The following KLHL18 variants were observed in gnomAD, a reference collection of about 807,000 sequenced individuals.
KLHL18 encodes the protein kelch like family member 18.
KLHL18 carries 38 observed loss-of-function variants against 58.5 expected under a neutral mutation model. The ratio of observed to expected loss-of-function variants is 0.65; its 90% CI spans 0.50 to 0.85. The LOEUF (loss-of-function observed/expected upper bound fraction) is 0.85, where lower values mean the gene tolerates loss of function less well. Among genes scored for constraint, KLHL18 ranks in the 40% least tolerant of loss-of-function variants. The probability of loss-of-function intolerance (pLI) is 0.00; values close to 1 mark genes in which losing one functional copy is unlikely to be tolerated. For synonymous variants in KLHL18, 303 were observed against 301.9 expected (o/e 1.00, Z -0.04); for missense variants, 624 against 778.4 (o/e 0.80, Z 2.36).
intron 1 of KLHL18, among the ~76,000 whole-genome samples, chr3:47,286,402 C>T (rs2107570350): frequency 6.6e-6 from 1 of 152,310 alleles, no homozygotes; most frequent in Admixed American, 6.5e-5. Flanking sequence ...AGTCTTCCTT[C>T]AGTTTTCTGG....
intron 7 of KLHL18, chr3:47,337,330 ACTCAG>A: frequency 1.9e-5 from 3 of 160,120 alleles, no homozygotes; most frequent in Admixed American, 5.7e-5. Flanking sequence ...TTGATATGTC[ACTCAG>A]TACATTCTAG....
At position 47,292,813 on chromosome 3, in the gene KLHL18, C is replaced by T. The variant is rs192405021; in HGVS notation, c.129+9719C>T. On this transcript the variant is annotated intron_variant, in intron 1 of 9. Coordinates refer to ENST00000232766, the MANE Select transcript of KLHL18 (RefSeq NM_025010.5). ...TCCAGCTACTTGGGAGGCTGAGGTG[C>T]GAGAATCACCTGAGCCCCGGGAGGT... Among the ~76,000 whole-genome samples, 1,107 of 150,154 alleles carry T rather than the reference C, an allele frequency of 7.4e-3. 15 individuals are homozygous for T. The highest frequency in any genetic ancestry group is 0.026 in the African/African-American group (1,075 of 40,924).
At position 47,341,015 on chromosome 3, in the gene KLHL18, G is replaced by GA. The variant is rs1005626809; in HGVS notation, c.1226+350dup. 7.5e-3 allele frequency among the ~76,000 whole-genome samples: 1,109 copies of GA among 147,174 alleles called. 10 individuals are homozygous for GA. The highest frequency in any genetic ancestry group is 0.011 in the African/African-American group (436 of 40,344). On this transcript the variant is annotated intron_variant, in intron 8 of 9. Coordinates refer to ENST00000232766, the MANE Select transcript of KLHL18 (RefSeq NM_025010.5). The stretch of plus-strand genomic sequence containing the variant: ...TCCAAAGTGGGTAGGATATGATTTG[G>GA]AAAAAAAAAAATGTTTTTAAGTTCT...
At chr3:47,298,411 G>A (rs1163692590) in intron 1 of KLHL18, among the ~76,000 whole-genome samples, 1 of 151,072 alleles carries the variant, frequency 6.6e-6, no homozygotes, top group African/African-American at 2.4e-5. Flanking sequence ...CTGACTTGTA[G>A]GCAGTAGGGA....
chr3:47,290,869 C>T (rs766557280), intron 1 of KLHL18, among the ~76,000 whole-genome samples: 1 of 152,238 alleles, frequency 6.6e-6, no homozygotes. Context: ...CAGTTTTAAT[C>T]TCCTTGTTCA....
intron 8 of KLHL18, among the ~76,000 whole-genome samples, chr3:47,342,469 G>C (rs987269917): frequency 6.6e-6 from 1 of 152,254 alleles, no homozygotes; most frequent in African/African-American, 2.4e-5. Flanking sequence ...GAGCAGAACT[G>C]TAGGAGAAAG....
intron 1 of KLHL18, among the ~76,000 whole-genome samples, chr3:47,311,393 T>C (rs1703295881): frequency 6.6e-6 from 1 of 152,032 alleles, no homozygotes; most frequent in African/African-American, 2.4e-5. Flanking sequence ...ATGTTCATGA[T>C]TTTAAAAACC....
intron 3 of KLHL18, among the ~76,000 whole-genome samples, chr3:47,322,917 C>T (rs903301523): frequency 6.6e-6 from 1 of 152,138 alleles, no homozygotes; most frequent in East Asian, 1.9e-4. Flanking sequence ...TTTACATAGT[C>T]CAGCCTGCCC....
At chr3:47,301,300 C>G (rs1703020161) in intron 1 of KLHL18, among the ~76,000 whole-genome samples, 1 of 151,800 alleles carries the variant, frequency 6.6e-6, no homozygotes, top group Admixed American at 6.6e-5. Flanking sequence ...TCACCAAACC[C>G]CAAGTCCTGA....
chr3:47,324,111 G>A (rs1206070542), intron 3 of KLHL18, among the ~76,000 whole-genome samples: 1 of 151,920 alleles, frequency 6.6e-6, no homozygotes, highest in Admixed American at 6.6e-5. Flanking sequence ...GTAAAGCTGC[G>A]GAACCAACCT....
intron 1 of KLHL18, among the ~76,000 whole-genome samples, chr3:47,313,734 A>G (rs1703359573): frequency 1.3e-5 from 2 of 152,098 alleles, no homozygotes; most frequent in Non-Finnish European, 2.9e-5. Context: ...TTTTTTCTCA[A>G]TTGACTGAGA....
chr3:47,300,281 G>A (rs1417127855), intron 1 of KLHL18, among the ~76,000 whole-genome samples: 2 of 60,844 alleles, frequency 3.3e-5, no homozygotes, highest in Middle Eastern at 0.013. Flanking sequence ...CATCCTCACC[G>A]GCATTTTATA....
intron 1 of KLHL18, among the ~76,000 whole-genome samples, chr3:47,316,464 T>TATATATATGTATATATATACATATATAC (rs1559495336): frequency 1.7e-4 from 19 of 114,204 alleles, no homozygotes; most frequent in African/African-American, 6.3e-4. Flanking sequence ...TGTACAAATA[T>TATATATATGTATATATATACATATATAC]ATATATATGT....
chr3:47,284,797 CTG>C (rs1263349918), intron 1 of KLHL18, among the ~76,000 whole-genome samples: 1 of 152,036 alleles, frequency 6.6e-6, no homozygotes, highest in Non-Finnish European at 1.5e-5. Context: ...TACTTAATCT[CTG>C]TAAGCCTCGG....
At chr3:47,326,520 T>C (rs295461) in intron 3 of KLHL18, among the ~76,000 whole-genome samples, 74,735 of 151,866 alleles carry the variant, frequency 0.49, 20,033 homozygotes, top group Non-Finnish European at 0.6. Flanking sequence ...CATGGGCCCC[T>C]TTCCTGTGTG....
At chr3:47,291,059 A>G (rs988662146) in intron 1 of KLHL18, among the ~76,000 whole-genome samples, 3 of 152,166 alleles carry the variant, frequency 2.0e-5, no homozygotes, top group Non-Finnish European at 2.9e-5. Context: ...TGGCTGGCTG[A>G]CTGGCTCGCC....
At chr3:47,327,067 C>A (rs188110485) in intron 3 of KLHL18, among the ~76,000 whole-genome samples, 3 of 151,884 alleles carry the variant, frequency 2.0e-5, no homozygotes, top group African/African-American at 7.2e-5. Flanking sequence ...GGTGAAATGC[C>A]ATCTCTACTA....
chr3:47,300,862 C>G (rs1703010389), intron 1 of KLHL18, among the ~76,000 whole-genome samples: 1 of 152,018 alleles, frequency 6.6e-6, no homozygotes, highest in Non-Finnish European at 1.5e-5. Context: ...TGGTCTCGAA[C>G]TCCTGACCTC....
chr3:47,315,047 T>C (rs1271781317), intron 1 of KLHL18, among the ~76,000 whole-genome samples: 1 of 152,178 alleles, frequency 6.6e-6, no homozygotes, highest in Non-Finnish European at 1.5e-5. Context: ...GTTGAACACA[T>C]ACTTAACTTT....
Sources: gnomAD v4.1 joint callset for allele counts (sites outside exome capture counted in the v4.1 genomes callset) on GRCh38, gnomAD v4.1.1 for gene constraint, MANE v1.5 for transcripts, NCBI Gene and HGNC (gene_info 2026-07-23, HGNC 2026-07-21) for gene names.